Variants in CFAP20DC observed in about 807,000 individuals in gnomAD.
The protein encoded by CFAP20DC is protein CFAP20DC.
CFAP20DC carries 84 observed loss-of-function variants against 101.7 expected under a neutral mutation model. The observed-to-expected ratio is 0.83, with a 90% CI of 0.69 to 0.99. The LOEUF (loss-of-function observed/expected upper bound fraction) is 0.99, where lower values mean the gene tolerates loss of function less well. Ranked by LOEUF, CFAP20DC falls within the 50% of genes least tolerant of loss-of-function variation. The pLI is 0.00. For synonymous variants in CFAP20DC, 359 were observed against 351.2 expected, an observed-to-expected ratio of 1.02 and a Z score of -0.25; for missense variants, 1,007 against 970.3, an observed-to-expected ratio of 1.04 and a Z score of -0.50.
At chr3:58,918,643 T>A (rs77210502) in intron 5 of CFAP20DC, among the ~76,000 whole-genome samples, 11 of 152,052 alleles carry the variant, frequency 7.2e-5, no homozygotes, top group South Asian at 4.1e-4. Context: ...TTTTTTTTTT[T>A]AATCTGTTTG....
At position 58,964,028 on chromosome 3, in the gene CFAP20DC, CACTTAAAGAATGA is replaced by C. The variant is rs1435549962; in HGVS notation, c.279-26279_279-26267del. On this transcript the variant is annotated intron_variant, in intron 4 of 16. Transcript: ENST00000482387. The surrounding 1 kb of genome is among the most constrained non-coding windows in gnomAD (Gnocchi z 4.1). ...GCAAGGGTTAAGTTATGCACTATTA[CACTTAAAGAATGA>C]ACTCTGTTCTAGCTGTCACAAGGTT... Among the ~76,000 whole-genome samples, 1 of 152,220 alleles carries C rather than the reference CACTTAAAGAATGA, an allele frequency of 6.6e-6. No individual in the cohort carries two copies. Among genetic ancestry groups the C allele is most frequent in the Non-Finnish European group, 1.5e-5 (1 of 68,038 alleles).
intron 15 of CFAP20DC, among the ~76,000 whole-genome samples, chr3:58,761,796 G>C (rs1575576298): frequency 1.3e-5 from 2 of 152,228 alleles, no homozygotes; most frequent in African/African-American, 4.8e-5. Flanking sequence ...TGTTATGTAT[G>C]CAGTAGTCAT....
chr3:59,049,577 G>A (rs1314865832), intron 1 of CFAP20DC, 34 bp downstream of exon 1: 5 of 1,529,664 alleles, frequency 3.3e-6, no homozygotes, highest in Non-Finnish European at 4.4e-6. Flanking sequence ...AGAGGAGAAA[G>A]GTATAGACAG....
chr3:58,741,166 C>T (rs2067872729), downstream of CFAP20DC, among the ~76,000 whole-genome samples: 1 of 152,178 alleles, frequency 6.6e-6, no homozygotes, highest in South Asian at 2.1e-4. Context: ...CAATGGTACT[C>T]TTCTTTATTA....
chr3:58,932,394 C>T (rs1308682767), intron 5 of CFAP20DC, among the ~76,000 whole-genome samples: 2 of 151,958 alleles, frequency 1.3e-5, no homozygotes, highest in African/African-American at 4.8e-5. Context: ...CAAGGCAGGC[C>T]AACATTCAGA....
chr3:58,893,913 C>A (rs556397259), intron 6 of CFAP20DC, among the ~76,000 whole-genome samples: 48 of 152,066 alleles, frequency 3.2e-4, no homozygotes, highest in Admixed American at 3.9e-4. Flanking sequence ...GCTGGAGAGG[C>A]CTCACAATCA....
intron 4 of CFAP20DC, among the ~76,000 whole-genome samples, chr3:59,012,378 C>T (rs1469694741): frequency 6.6e-6 from 1 of 151,532 alleles, no homozygotes; most frequent in African/African-American, 2.4e-5. Context: ...AGGAAATATG[C>T]TGAGAGAAAG....
chr3:59,022,093 A>G (rs1187323814), intron 4 of CFAP20DC, among the ~76,000 whole-genome samples: 1 of 152,128 alleles, frequency 6.6e-6, no homozygotes, highest in Non-Finnish European at 1.5e-5. Context: ...GAGGTATCAT[A>G]ACAGAACTGA....
At chr3:58,823,598 C>A (rs995287596) in intron 14 of CFAP20DC, among the ~76,000 whole-genome samples, 1 of 152,100 alleles carries the variant, frequency 6.6e-6, no homozygotes, top group Admixed American at 6.6e-5. Context: ...AACCCAGGAT[C>A]GTGCCTGCCA....
chr3:58,742,627 CA>C, intron 16 of CFAP20DC, 55 bp from the exon 17 acceptor site: 1 of 1,298,738 alleles, frequency 7.7e-7, no homozygotes, highest in South Asian at 1.4e-5. Flanking sequence ...CCGGAATCCC[CA>C]AACAAGGGCA....
intron 3 of CFAP20DC, among the ~76,000 whole-genome samples, chr3:58,733,232 T>C (rs2067680366): frequency 6.6e-6 from 1 of 152,132 alleles, no homozygotes; most frequent in Admixed American, 6.5e-5. Flanking sequence ...CTCGGGAGGC[T>C]GAGGCAGGAG....
chr3:58,913,580 T>A lies in CFAP20DC; in HGVS notation c.550+128A>T, dbSNP rs2084366262. ...TCTAGAACAAAGAAATCAGCATGAC[T>A]GTTGACAAATTTACTTTAGCAGACA... On this transcript the variant is annotated intron_variant, in intron 6 of 16. Coordinates refer to ENST00000482387, the MANE Select transcript of CFAP20DC (RefSeq NM_001394063.1). The surrounding 1 kb of genome is among the most constrained non-coding windows in gnomAD (Gnocchi z 4.4). The A allele has an allele frequency of 1.1e-6, 1 of 880,516 alleles. No homozygotes were observed. Among genetic ancestry groups the A allele is most frequent in the Non-Finnish European group, 1.9e-6 (1 of 535,230 alleles). 54.5% of individuals were successfully genotyped at this position (880,516 alleles called of 1,614,324 possible).
At chr3:58,805,977 G>T (rs2074024909) in intron 15 of CFAP20DC, among the ~76,000 whole-genome samples, 1 of 152,120 alleles carries the variant, frequency 6.6e-6, no homozygotes, top group Admixed American at 6.5e-5. Flanking sequence ...ATATAAAAAA[G>T]ATTTATGCCT....
At chr3:58,797,857 C>T (rs2073369660) in intron 15 of CFAP20DC, among the ~76,000 whole-genome samples, 1 of 152,102 alleles carries the variant, frequency 6.6e-6, no homozygotes, top group Non-Finnish European at 1.5e-5. Context: ...TTAATAAATC[C>T]TACTCTGCCT....
At chr3:58,927,174 G>C (rs1177616112) in intron 5 of CFAP20DC, among the ~76,000 whole-genome samples, 1 of 152,086 alleles carries the variant, frequency 6.6e-6, no homozygotes, top group Admixed American at 6.6e-5. Flanking sequence ...AAAATAACAT[G>C]AAATATAAAA....
intron 4 of CFAP20DC, among the ~76,000 whole-genome samples, chr3:59,022,792 A>C (rs183208065): frequency 5.9e-5 from 9 of 152,246 alleles, no homozygotes; most frequent in Admixed American, 5.9e-4. Flanking sequence ...GATTTTATTA[A>C]AGTTGTCCTT....
intron 14 of CFAP20DC, among the ~76,000 whole-genome samples, chr3:58,816,965 C>A: frequency 6.6e-6 from 1 of 152,318 alleles, no homozygotes; most frequent in East Asian, 1.9e-4. Flanking sequence ...ACTGCCTCCT[C>A]AAGTGGGTCC....
chr3:58,805,519 A>G (rs1327235161), intron 15 of CFAP20DC, among the ~76,000 whole-genome samples: 4 of 152,222 alleles, frequency 2.6e-5, no homozygotes. Context: ...GTAACCAAAG[A>G]GTCTTAATTC....
intron 13 of CFAP20DC, among the ~76,000 whole-genome samples, chr3:58,845,668 C>G (rs941649687): frequency 6.6e-6 from 1 of 151,900 alleles, no homozygotes; most frequent in African/African-American, 2.4e-5. Flanking sequence ...TTTGATGAGG[C>G]CAGCATCATC....
Sources: gnomAD v4.1 joint callset for allele counts (sites outside exome capture counted in the v4.1 genomes callset) on GRCh38, gnomAD v4.1.1 for gene constraint, Gnocchi (gnomAD v3.1) non-coding constraint, MANE v1.5 for transcripts, NCBI Gene and HGNC (gene_info 2026-07-23, HGNC 2026-07-21) for gene names.